CDH12: variants seen among roughly 807,000 people sequenced by gnomAD.
CDH12 encodes cadherin-12.
A neutral mutation model predicts 74.1 loss-of-function variants in CDH12; 41 were observed. That is an observed-to-expected ratio of 0.55 (90% CI 0.43 to 0.72). The LOEUF is 0.72. Among genes scored for constraint, CDH12 ranks in the 30% least tolerant of loss-of-function variants. The probability of loss-of-function intolerance (pLI) is 0.00; values close to 1 mark genes in which losing one functional copy is unlikely to be tolerated. For synonymous variants in CDH12, 399 were observed against 355.0 expected, an observed-to-expected ratio of 1.12 and a Z score of -1.39; for missense variants, 945 against 977.2, an observed-to-expected ratio of 0.97 and a Z score of 0.44.
At chr5:22,158,392 G>A (rs1167142084) in intron 4 of CDH12, among the ~76,000 whole-genome samples, 6 of 152,026 alleles carry the variant, frequency 3.9e-5, no homozygotes, top group Non-Finnish European at 8.8e-5. Context: ...CTTATCACAA[G>A]TCAGTTGTCT....
At chr5:22,016,876 T>C (rs1365245780) in intron 5 of CDH12, among the ~76,000 whole-genome samples, 18 of 152,168 alleles carry the variant, frequency 1.2e-4, no homozygotes. Flanking sequence ...GCCATTTTCC[T>C]TCAATAACTG....
chr5:22,791,640 G>T (rs1401848691), intron 1 of CDH12, among the ~76,000 whole-genome samples: 1 of 152,102 alleles, frequency 6.6e-6, no homozygotes, highest in African/African-American at 2.4e-5. Flanking sequence ...AATTCATAAA[G>T]AAAAAGGATT....
chr5:22,303,451 T>C (rs1432200601), intron 3 of CDH12, among the ~76,000 whole-genome samples: 1 of 152,116 alleles, frequency 6.6e-6, no homozygotes, highest in East Asian at 1.9e-4. Flanking sequence ...TTGAAAATTA[T>C]AATACACAAG....
At chr5:22,825,906 A>G (rs1736302181) in intron 1 of CDH12, among the ~76,000 whole-genome samples, 1 of 151,616 alleles carries the variant, frequency 6.6e-6, no homozygotes, top group Non-Finnish European at 1.5e-5. Context: ...AGATGCTGAT[A>G]ATTAGTCAGT....
At chr5:22,065,974 G>C (rs552155850) in intron 5 of CDH12, among the ~76,000 whole-genome samples, 71 of 150,438 alleles carry the variant, frequency 4.7e-4, no homozygotes, top group African/African-American at 1.8e-3. Flanking sequence ...AAACAGAAAG[G>C]TTCTAGGTCA....
chr5:22,696,090 T>C (rs1742341449), intron 1 of CDH12, among the ~76,000 whole-genome samples: 1 of 152,072 alleles, frequency 6.6e-6, no homozygotes, highest in Non-Finnish European at 1.5e-5. Flanking sequence ...ATTTTTCAGC[T>C]GGGCGCGGTG....
At chr5:22,507,657 C>T (rs1736441014) in intron 1 of CDH12, among the ~76,000 whole-genome samples, 1 of 152,160 alleles carries the variant, frequency 6.6e-6, no homozygotes, top group Admixed American at 6.5e-5. Context: ...CCATTTCATT[C>T]CCTTCATCTA....
chr5:21,936,719 C>A (rs916969212), intron 6 of CDH12, among the ~76,000 whole-genome samples: 14 of 152,066 alleles, frequency 9.2e-5, no homozygotes, highest in Admixed American at 9.2e-4. Context: ...ATTGTAATCC[C>A]CATGTGTCAT....
intron 1 of CDH12, among the ~76,000 whole-genome samples, chr5:22,798,865 G>A (rs1345975226): frequency 1.3e-5 from 2 of 152,068 alleles, no homozygotes; most frequent in African/African-American, 4.8e-5. Context: ...TGTAATCCCA[G>A]CACTTTGGGA....
At chr5:22,130,460 A>C (rs959540806) in intron 4 of CDH12, among the ~76,000 whole-genome samples, 3 of 152,136 alleles carry the variant, frequency 2.0e-5, no homozygotes, top group African/African-American at 7.2e-5. Context: ...TGCACAGAAG[A>C]AGCAAAGTAG....
chr5:22,624,906 A>G (rs1738200105), intron 1 of CDH12, among the ~76,000 whole-genome samples: 2 of 152,210 alleles, frequency 1.3e-5, no homozygotes, highest in Admixed American at 1.3e-4. Flanking sequence ...ACTTGGAACC[A>G]ACCCAAATGT....
rs184426493 is a variant in CDH12, at chr5:21,799,475, T to C, written c.1256+2692A>G. ...GAAGAGAACATTAAGGGTTGATAGA[T>C]TGATTACTTAATAAGAAGATTTGTA... On this transcript the variant is annotated intron_variant, in intron 10 of 14. Transcript: ENST00000382254. Among the ~76,000 whole-genome samples the C allele has an allele frequency of 2.4e-3, 370 of 152,228 alleles. 3 individuals are homozygous for C. Among genetic ancestry groups the C allele is most frequent in the African/African-American group, 8.6e-3 (357 of 41,550 alleles).
intron 5 of CDH12, among the ~76,000 whole-genome samples, chr5:22,036,085 G>T (rs1485144979): frequency 6.6e-6 from 1 of 152,124 alleles, no homozygotes; most frequent in Non-Finnish European, 1.5e-5. Flanking sequence ...GTGAAAAAAA[G>T]CACCTTAGAT....
chr5:22,007,209 G>T (rs1737017746), intron 5 of CDH12, among the ~76,000 whole-genome samples: 1 of 152,260 alleles, frequency 6.6e-6, no homozygotes, highest in East Asian at 1.9e-4. Flanking sequence ...ATCTTCTCGT[G>T]TATTAACATT....
chr5:21,787,411 T>A (rs531920432), intron 10 of CDH12, among the ~76,000 whole-genome samples: 1 of 77,216 alleles, frequency 1.3e-5, no homozygotes, highest in East Asian at 3.1e-4. Context: ...AATGTTTTGT[T>A]TTTGTTTTTT....
At chr5:22,029,200 G>T (rs1738622556) in intron 5 of CDH12, among the ~76,000 whole-genome samples, 2 of 152,066 alleles carry the variant, frequency 1.3e-5, no homozygotes, top group South Asian at 4.1e-4. Context: ...ACATAGGCAT[G>T]GGCAAGGACT....
At chr5:22,643,733 CTTTTTTTTTTT>C (rs762944279) in intron 1 of CDH12, among the ~76,000 whole-genome samples, 2 of 51,202 alleles carry the variant, frequency 3.9e-5, no homozygotes, top group Non-Finnish European at 6.9e-5. Context: ...TTTAAGGTAT[CTTTTTTTTTTT>C]TTTTTTTTTT....
chr5:22,092,445 A>G (rs748250370), intron 4 of CDH12, among the ~76,000 whole-genome samples: 1 of 152,196 alleles, frequency 6.6e-6, no homozygotes, highest in Non-Finnish European at 1.5e-5. Context: ...AATAAATGAG[A>G]GAGGGCTTTG....
chr5:22,326,378 G>A (rs1246484295), intron 3 of CDH12, among the ~76,000 whole-genome samples: 1 of 152,048 alleles, frequency 6.6e-6, no homozygotes, highest in Non-Finnish European at 1.5e-5. Flanking sequence ...TGGGACTACA[G>A]GCACCCGCAA....
Sources: allele counts gnomAD v4.1 joint callset (sites outside exome capture counted in the v4.1 genomes callset), GRCh38; gene constraint gnomAD v4.1.1; transcripts MANE v1.5; gene names NCBI Gene and HGNC (gene_info 2026-07-23, HGNC 2026-07-21).